SLCO3A1: variants seen among roughly 807,000 people sequenced by gnomAD.
SLCO3A1 encodes PGE1 transporter.
SLCO3A1 carries 27 observed loss-of-function variants against 63.1 expected under a neutral mutation model. That is an observed-to-expected ratio of 0.43 (90% CI 0.32 to 0.59). SLCO3A1 has a LOEUF of 0.59. SLCO3A1 is among the 20% of genes least tolerant of loss of function. The pLI, the probability that SLCO3A1 is intolerant of heterozygous loss-of-function variation, is 0.09. For missense variants in SLCO3A1, 773 were observed against 945.8 expected (o/e 0.82, Z 2.40); for synonymous variants, 473 against 409.9 (o/e 1.15, Z -1.86).
intron 2 of SLCO3A1, among the ~76,000 whole-genome samples, chr15:91,979,805 CTAATTAAA>C (rs146328898): frequency 0.039 from 5,948 of 152,204 alleles, 245 homozygotes; most frequent in African/African-American, 0.1. Flanking sequence ...CCAGTATATA[CTAATTAAA>C]TGGTAGCATC....
intron 2 of SLCO3A1, among the ~76,000 whole-genome samples, chr15:92,043,015 A>T (rs1392308954): frequency 6.6e-6 from 1 of 152,106 alleles, no homozygotes; most frequent in Admixed American, 6.5e-5. Flanking sequence ...TTCTGGGTTA[A>T]TTGTGACTTT....
At chr15:91,880,166 CATCCATCT>C (rs1361721417) in intron 1 of SLCO3A1, among the ~76,000 whole-genome samples, 103 of 132,558 alleles carry the variant, frequency 7.8e-4, no homozygotes, top group African/African-American at 2.4e-3. Context: ...TCCATCCATC[CATCCATCT>C]ATCTATCTAT....
At chr15:91,977,554 A>C (rs1402360879) in intron 2 of SLCO3A1, among the ~76,000 whole-genome samples, 1 of 152,180 alleles carries the variant, frequency 6.6e-6, no homozygotes, top group African/African-American at 2.4e-5. Context: ...GTAGGAGCTA[A>C]GCTATGAGGA....
chr15:91,974,285 T>TATTATTATTATC (rs1901008902), intron 2 of SLCO3A1, among the ~76,000 whole-genome samples: 1 of 149,410 alleles, frequency 6.7e-6, no homozygotes, highest in Non-Finnish European at 1.5e-5. Flanking sequence ...TTATTATTAT[T>TATTATTATTATC]ATTATTATTA....
chr15:92,044,876 AC>A (rs1258168952), intron 2 of SLCO3A1, among the ~76,000 whole-genome samples: 2 of 151,986 alleles, frequency 1.3e-5, no homozygotes, highest in African/African-American at 4.8e-5. Flanking sequence ...TCCCCTCGCA[AC>A]ACCTGCTCTG....
Position 91,967,320 on chromosome 15 carries a change from T to G in SLCO3A1, c.646+50862T>G, listed in dbSNP as rs1900695853. ...AGGTATAAGAGGAAGCAGAGAGTAC[T>G]GTTTTCTAGATTAACTGCTCTACAC... On this transcript the variant is annotated intron_variant, in intron 2 of 9. Transcript: ENST00000318445. The surrounding 1 kb of genome is among the most constrained non-coding windows in gnomAD (Gnocchi z 4.4). Among the ~76,000 whole-genome samples, 1 of 152,142 alleles carries G rather than the reference T, an allele frequency of 6.6e-6. No homozygotes were observed. Among genetic ancestry groups the G allele is most frequent in the Non-Finnish European group, 1.5e-5 (1 of 68,028 alleles).
In SLCO3A1 at chr15:91,875,392, A is replaced by C. The variant is rs1305607153; in HGVS notation, c.180+21304A>C. 2.0e-5 allele frequency among the ~76,000 whole-genome samples: 3 copies of C among 152,056 alleles called. No individual in the cohort carries two copies. The highest frequency in any genetic ancestry group is 4.4e-5 in the Non-Finnish European group (3 of 68,018). ...GGCATGATGTTGGCACTGCCTTTCC[A>C]GTTTACTCTCTCCACAGGGTAAAAA... On this transcript the variant is annotated intron_variant, in intron 1 of 9. Coordinates refer to ENST00000318445, the MANE Select transcript of SLCO3A1 (RefSeq NM_013272.4). This position sits in a 1 kb window ranked among gnomAD's most constrained non-coding sequence, Gnocchi z 4.5.
At position 91,854,996 on chromosome 15, in the gene SLCO3A1, C is replaced by G. The variant is rs1397579716; in HGVS notation, c.180+908C>G. On this transcript the variant is annotated intron_variant, in intron 1 of 9. Transcript: ENST00000318445. The surrounding 1 kb of genome is among the most constrained non-coding windows in gnomAD (Gnocchi z 6.4). ...AACTTGAGTTCCAGAGAGCGTGCTT[C>G]CACACCTAAGTACAGTCCTGTCTAA... Among the ~76,000 whole-genome samples, 1 of 152,074 alleles carries G rather than the reference C, an allele frequency of 6.6e-6. No homozygotes were observed. Among genetic ancestry groups the G allele is most frequent in the Non-Finnish European group, 1.5e-5 (1 of 68,022 alleles).
At chr15:92,108,354 G>C (rs370578746) in intron 4 of SLCO3A1, among the ~76,000 whole-genome samples, 6 of 152,270 alleles carry the variant, frequency 3.9e-5, no homozygotes, top group East Asian at 3.9e-4. Flanking sequence ...CCCTGATCTT[G>C]CATTTTGGAC....
At chr15:91,953,605 G>A (rs996228398) in intron 2 of SLCO3A1, among the ~76,000 whole-genome samples, 12 of 152,318 alleles carry the variant, frequency 7.9e-5, no homozygotes, top group East Asian at 7.7e-4. Flanking sequence ...GGAACTGCGC[G>A]AAGCCTGGTA....
chr15:92,146,570 A>G (rs2048226433), intron 7 of SLCO3A1, among the ~76,000 whole-genome samples: 1 of 152,222 alleles, frequency 6.6e-6, no homozygotes, highest in Non-Finnish European at 1.5e-5. Context: ...TACCTGATTT[A>G]CTTCTTTTAA....
downstream of SLCO3A1, among the ~76,000 whole-genome samples, chr15:92,168,555 C>T (rs2048505329): frequency 6.6e-6 from 1 of 152,174 alleles, no homozygotes; most frequent in South Asian, 2.1e-4. Flanking sequence ...TGTTCTCTTG[C>T]ACAGGCAAGG....
At chr15:92,120,677 G>A in intron 5 of SLCO3A1, 48 bp downstream of exon 5, 1 of 1,568,898 alleles carries the variant, frequency 6.4e-7, no homozygotes, top group Non-Finnish European at 8.7e-7. Context: ...AGGGTGTCCT[G>A]TGTGTAAGGC....
chr15:92,048,362 C>T (rs1435226988), intron 2 of SLCO3A1, among the ~76,000 whole-genome samples: 1 of 152,130 alleles, frequency 6.6e-6, no homozygotes, highest in Non-Finnish European at 1.5e-5. Flanking sequence ...GCTCCCCAGT[C>T]CTGCTGCTAT....
intron 9 of SLCO3A1, among the ~76,000 whole-genome samples, chr15:92,155,985 C>T (rs535930271): frequency 2.6e-5 from 4 of 152,102 alleles, no homozygotes; most frequent in Admixed American, 6.5e-5. Flanking sequence ...GGAAGGCCCT[C>T]GGGGTGCATT....
At chr15:92,158,514 A>G (rs2048399175) in intron 9 of SLCO3A1, among the ~76,000 whole-genome samples, 2 of 152,182 alleles carry the variant, frequency 1.3e-5, no homozygotes, top group African/African-American at 4.8e-5. Context: ...GGAGCACTCT[A>G]TACAGTCCTG....
At chr15:92,005,876 T>C (rs1597212739) in intron 2 of SLCO3A1, among the ~76,000 whole-genome samples, 1 of 152,188 alleles carries the variant, frequency 6.6e-6, no homozygotes, top group Non-Finnish European at 1.5e-5. Flanking sequence ...ATTCCACTGC[T>C]GAACCTGCCA....
At chr15:91,955,857 A>C (rs528271070) in intron 2 of SLCO3A1, among the ~76,000 whole-genome samples, 2 of 152,328 alleles carry the variant, frequency 1.3e-5, no homozygotes, top group East Asian at 3.9e-4. Context: ...GGAATCTGTA[A>C]TTACCAGCTT....
Position 91,865,678 on chromosome 15 carries a change from T to TC in SLCO3A1, c.180+11595dup, listed in dbSNP as rs1897147770. Among the ~76,000 whole-genome samples, 3 of 152,270 alleles carry TC rather than the reference T, an allele frequency of 2.0e-5. No homozygotes were observed. In the South Asian group the frequency reaches 6.2e-4, roughly 32 times the overall value. On this transcript the variant is annotated intron_variant, in intron 1 of 9. Coordinates refer to ENST00000318445, the MANE Select transcript of SLCO3A1 (RefSeq NM_013272.4). The surrounding 1 kb of genome is among the most constrained non-coding windows in gnomAD (Gnocchi z 4.6). ...TCTGCCTTTGCTGTCACATGGTGTTTCCCCCGCGTCTCTCTCTCTTCTTCT... is the reference window on the plus strand; with the variant it reads ...TCTGCCTTTGCTGTCACATGGTGTTTCCCCCCGCGTCTCTCTCTCTTCTTCT...
Sources: gnomAD v4.1 joint callset for allele counts (sites outside exome capture counted in the v4.1 genomes callset) on GRCh38, gnomAD v4.1.1 for gene constraint, Gnocchi (gnomAD v3.1) non-coding constraint, MANE v1.5 for transcripts, NCBI Gene and HGNC (gene_info 2026-07-23, HGNC 2026-07-21) for gene names.